Variants in TXNL1 observed in about 807,000 individuals in gnomAD.
TXNL1 encodes thioredoxin-like protein 1.
TXNL1 carries 14 observed loss-of-function variants against 35.5 expected under a neutral mutation model. The ratio of observed to expected loss-of-function variants is 0.39; its 90% CI spans 0.26 to 0.62. TXNL1 has a LOEUF of 0.62. TXNL1 is among the 20% of genes least tolerant of loss of function. The pLI, the probability that TXNL1 is intolerant of heterozygous loss-of-function variation, is 0.47. For missense variants in TXNL1, 263 were observed against 349.7 expected, an observed-to-expected ratio of 0.75 and a Z score of 1.98; for synonymous variants, 110 against 115.5, an observed-to-expected ratio of 0.95 and a Z score of 0.31.
chr18:56,605,156 C>G (rs1427360363), intron 7 of TXNL1: 2 of 151,964 alleles, frequency 1.3e-5, no homozygotes, highest in Non-Finnish European at 2.9e-5. Flanking sequence ...AGGATGAGAT[C>G]TGAAGAAAGA....
At chr18:56,632,131 T>G (rs77028674) in intron 1 of TXNL1, among the ~76,000 whole-genome samples, 2 of 152,160 alleles carry the variant, frequency 1.3e-5, no homozygotes, top group Non-Finnish European at 2.9e-5. Flanking sequence ...TTCTTTTTAA[T>G]ACACTTTTTA....
chr18:56,611,006 T>C lies in TXNL1; in HGVS notation c.827A>G (p.Asn276Ser), dbSNP rs1309532542. The C allele has an allele frequency of 1.2e-6, 2 of 1,601,444 alleles. No homozygotes were observed. Among genetic ancestry groups the C allele is most frequent in the Non-Finnish European group, 1.7e-6 (2 of 1,174,746 alleles). ...AAGCAAACTTACTCGTTTGAAGTCATTCATATTTGTTGCCTGGACTGGAGT... is the reference window on the plus strand; with the variant it reads ...AAGCAAACTTACTCGTTTGAAGTCACTCATATTTGTTGCCTGGACTGGAGT... ...IGTPVQATNM[N>S]DFKRVVGKKG... The change falls in exon 7 of 8, where the codon AAT becomes AGT. Residue 276 changes from asparagine (N) to serine (S), a missense_variant. Coordinates refer to ENST00000217515, the MANE Select transcript of TXNL1 (RefSeq NM_004786.3).
In TXNL1 at chr18:56,620,720, TTTCA is replaced by T. The variant is rs567907516; in HGVS notation, c.370-2598_370-2595del. On this transcript the variant is annotated intron_variant, in intron 3 of 7. Transcript: ENST00000217515. ...TGTTCACCTCTCTATCTCAAAGGGT[TTTCA>T]TTATGTTTTTTAAAGATACAAATAC... Among the ~76,000 whole-genome samples, 17 of 152,318 alleles carry T rather than the reference TTTCA, an allele frequency of 1.1e-4. No homozygotes were observed. The South Asian group carries it at 1.7e-3, about 15-fold the overall frequency.
At chr18:56,632,352 C>T (rs2024385641) in intron 1 of TXNL1, among the ~76,000 whole-genome samples, 1 of 152,040 alleles carries the variant, frequency 6.6e-6, no homozygotes. Flanking sequence ...GCTATGTTTA[C>T]TAATCGGCAG....
intron 6 of TXNL1, 27 bp from the exon 7 acceptor site, chr18:56,611,124 A>C (rs2023983552): frequency 7.1e-7 from 1 of 1,412,302 alleles, no homozygotes; most frequent in East Asian, 2.3e-5. Context: ...TGCATTTATA[A>C]TTACAATCCT....
chr18:56,616,055 C>T (rs572441251), intron 5 of TXNL1, among the ~76,000 whole-genome samples, 190 bp downstream of exon 5: 34 of 151,610 alleles, frequency 2.2e-4, no homozygotes, highest in Admixed American at 3.3e-4. Context: ...TCACTTGAAC[C>T]CAGGAGGCAG....
At position 56,600,291 on chromosome 18, in the gene TXNL1, T is replaced by TGG. The variant is rs2023795089; in HGVS notation, c.*2734_*2735dup. 1 of 152,226 alleles carries TGG rather than the reference T, an allele frequency of 6.6e-6. No individual in the cohort carries two copies. The highest frequency in any genetic ancestry group is 2.4e-5 in the African/African-American group (1 of 41,432). 9.4% of individuals were successfully genotyped at this position (152,226 alleles called of 1,614,324 possible). A position where few individuals can be genotyped will look rare whatever the true frequency, so the allele number is the denominator to read the frequency against. ...ACAGGTTTCAACTCTAATTGTTAAG[T>TGG]GGCTGCCTCCAACAGAATATTGAGA... On this transcript the variant is annotated 3_prime_UTR_variant, in exon 8 of 8. Coordinates refer to ENST00000217515, the MANE Select transcript of TXNL1 (RefSeq NM_004786.3).
chr18:56,625,817 T>C (rs1183696000), intron 2 of TXNL1, among the ~76,000 whole-genome samples: 1 of 152,184 alleles, frequency 6.6e-6, no homozygotes, highest in Non-Finnish European at 1.5e-5. Context: ...AATTTTTTTT[T>C]CCCTTAACAA....
rs1003388894 is a variant in TXNL1, at chr18:56,600,651, T to C, written c.*2376A>G. 1.3e-5 allele frequency: 2 copies of C among 150,566 alleles called. No individual in the cohort carries two copies. Among genetic ancestry groups the C allele is most frequent in the African/African-American group, 4.9e-5 (2 of 40,704 alleles). 9.3% of individuals were successfully genotyped at this position (150,566 alleles called of 1,614,324 possible). A position where few individuals can be genotyped will look rare whatever the true frequency, so the allele number is the denominator to read the frequency against. On this transcript the variant is annotated 3_prime_UTR_variant, in exon 8 of 8. Transcript: ENST00000217515. ...TTACGTGGCTGCCTCCAACAGTATA[T>C]TGAGACTGGGGAACAACGTGGGGCA... is the stretch of plus-strand genomic sequence containing the variant.
chr18:56,627,308 A>G (rs2024301916), intron 1 of TXNL1, among the ~76,000 whole-genome samples: 2 of 152,178 alleles, frequency 1.3e-5, no homozygotes, highest in African/African-American at 4.8e-5. Context: ...TTGAAACTCA[A>G]TATTGCCAAG....
chr18:56,634,427 G>T (rs576052446), intron 1 of TXNL1, among the ~76,000 whole-genome samples: 1 of 152,208 alleles, frequency 6.6e-6, no homozygotes, highest in African/African-American at 2.4e-5. Flanking sequence ...TAGCTGTTAG[G>T]GTTATTCTGA....
At position 56,624,332 on chromosome 18, in the gene TXNL1, T is replaced by C; in HGVS notation, c.325A>G (p.Asn109Asp). ...LEEKIKQHLE[N>D]DPGSNEDTDI... is the part of the protein sequence containing the mutation. ...GTGTCCTCATTGCTTCCAGGGTCAT[T>C]TTCTAAGTGCTGCTTGATTTTTTCT... The change falls in exon 3 of 8, where the codon AAT (asparagine) becomes GAT (aspartate). Residue 109 changes from asparagine to aspartate, a missense_variant. Coordinates refer to ENST00000217515, the MANE Select transcript of TXNL1 (RefSeq NM_004786.3). The C allele has an allele frequency of 6.2e-7, 1 of 1,613,888 alleles. No individual in the cohort carries two copies. The highest frequency in any genetic ancestry group is 2.2e-5 in the East Asian group (1 of 44,824).
At chr18:56,612,871 T>A (rs758417330) in intron 6 of TXNL1, among the ~76,000 whole-genome samples, 26 of 152,120 alleles carry the variant, frequency 1.7e-4, no homozygotes, top group Non-Finnish European at 3.4e-4. Context: ...TCAACTTGAT[T>A]ATAATTTTTT....
intron 6 of TXNL1, among the ~76,000 whole-genome samples, chr18:56,612,820 C>A (rs1042994465): frequency 6.6e-6 from 1 of 151,772 alleles, no homozygotes; most frequent in South Asian, 2.1e-4. Flanking sequence ...TAACAATTTT[C>A]TTTGATTTCA....
chr18:56,626,185 C>T, intron 2 of TXNL1, 176 bp downstream of exon 2: 2 of 1,334,814 alleles, frequency 1.5e-6, no homozygotes, highest in Non-Finnish European at 1.9e-6. Flanking sequence ...TAATGTGCTA[C>T]TCTTCTTAAC....
intron 7 of TXNL1, chr18:56,608,417 T>C (rs1356255140): frequency 6.6e-6 from 1 of 152,196 alleles, no homozygotes; most frequent in Admixed American, 6.5e-5. Flanking sequence ...GCAATATTAA[T>C]ATACCTAAGA....
At chr18:56,626,821 T>G (rs1442800195) in intron 1 of TXNL1, among the ~76,000 whole-genome samples, 1 of 127,570 alleles carries the variant, frequency 7.8e-6, no homozygotes, top group African/African-American at 3.8e-5. Flanking sequence ...TTTTTTTTTT[T>G]GGAGACAAGG....
intron 1 of TXNL1, among the ~76,000 whole-genome samples, chr18:56,627,158 T>C (rs991407452): frequency 6.6e-6 from 1 of 152,106 alleles, no homozygotes. Flanking sequence ...TATACTTGTA[T>C]CAATACTATA....
intron 1 of TXNL1, among the ~76,000 whole-genome samples, chr18:56,632,248 C>T (rs1276969538): frequency 6.6e-6 from 1 of 152,132 alleles, no homozygotes; most frequent in Non-Finnish European, 1.5e-5. Context: ...ATATACACAA[C>T]TGGTAAGTGG....
Sources: allele counts gnomAD v4.1 joint callset (sites outside exome capture counted in the v4.1 genomes callset), GRCh38; gene constraint gnomAD v4.1.1; transcripts MANE v1.5; gene names NCBI Gene and HGNC (gene_info 2026-07-23, HGNC 2026-07-21).